MYO15B: variants seen among roughly 807,000 people sequenced by gnomAD.
MYO15B encodes the protein myosin XVB, also known as myosin XVB pseudogene.
A neutral mutation model predicts 119.3 loss-of-function variants in MYO15B; 207 were observed. The ratio of observed to expected loss-of-function variants is 1.73; its 90% CI spans 1.55 to 1.95. The LOEUF is 1.95. Ranked by LOEUF, MYO15B falls within the 30% of genes most tolerant of loss-of-function variation. MYO15B has a pLI of 0.00. For synonymous variants in MYO15B, 966 were observed against 498.9 expected (o/e 1.94, Z -12.48); for missense variants, 2,264 against 1,203.1 (o/e 1.88, Z -13.04).
rs1236209522 is a variant in MYO15B at position 75,589,396 on chromosome 17, GCGGA to G, written c.1342_1345del (p.Asp448LysfsTer49). On this transcript the variant is annotated frameshift_variant, in exon 1 of 64. Coordinates refer to ENST00000645453, the Ensembl canonical transcript of MYO15B. LOFTEE classifies it high-confidence loss of function. This position sits in a 1 kb window ranked among gnomAD's most constrained non-coding sequence, Gnocchi z 4.2. ...GGACGAGGGTCGGGGCCGCGGGAAAGCGGACGAAGGGCGGGGCCACGAGCGAGGG... is the reference window on the plus strand; with the variant it reads ...GGACGAGGGTCGGGGCCGCGGGAAAGCGAAGGGCGGGGCCACGAGCGAGGG... 7.9e-6 allele frequency: 3 copies of G among 381,780 alleles called. No individual in the cohort carries two copies. The highest frequency in any genetic ancestry group is 6.3e-5 in the African/African-American group (3 of 47,812). 23.6% of individuals were successfully genotyped at this position (381,780 alleles called of 1,614,324 possible).
chr17:75,613,850 C>A (rs771827055), intron 29 of MYO15B, 73 bp downstream of exon 29: 161 of 633,700 alleles, frequency 2.5e-4, no homozygotes, highest in Admixed American at 6.6e-4. Flanking sequence ...TTCTCCAAGC[C>A]CAGTCTCAGG....
intron 19 of MYO15B, among the ~76,000 whole-genome samples, chr17:75,604,274 A>C (rs1008768865): frequency 6.6e-6 from 1 of 152,174 alleles, no homozygotes; most frequent in Non-Finnish European, 1.5e-5. Flanking sequence ...CACCCAGCAC[A>C]GACCAGGTCT....
chr17:75,623,497 G>A (rs1297269054), intron 53 of MYO15B, among the ~76,000 whole-genome samples: 2 of 152,206 alleles, frequency 1.3e-5, no homozygotes, highest in Non-Finnish European at 2.9e-5. Flanking sequence ...GGGCGTGGTG[G>A]CACGCGCCTA....
At chr17:75,618,799 T>C (rs1346388114) in intron 43 of MYO15B, among the ~76,000 whole-genome samples, 3 of 152,144 alleles carry the variant, frequency 2.0e-5, no homozygotes, top group East Asian at 3.8e-4. Flanking sequence ...CTCCCAGGAG[T>C]GAGCCTCTGT....
At chr17:75,625,599 G>C (rs114127171) in exon 61 of MYO15B, 1 of 703,094 alleles carries the variant, frequency 1.4e-6, no homozygotes, top group Admixed American at 2.0e-5. Flanking sequence ...AGAACCTGAT[G>C]GGTCAGGAGC....
exon 33 of MYO15B, chr17:75,614,985 A>T (rs1193094974): frequency 3.7e-5 from 26 of 702,876 alleles, no homozygotes; most frequent in Non-Finnish European, 6.2e-5. Context: ...CTGGGCTCTG[A>T]GCAGCCGCAT....
intron 53 of MYO15B, 41 bp downstream of exon 53, chr17:75,622,121 C>T (rs1319912116): frequency 1.0e-5 from 7 of 701,112 alleles, no homozygotes; most frequent in Non-Finnish European, 1.6e-5. Flanking sequence ...TGTGCCTGTC[C>T]TCCTGTCTGG....
At chr17:75,611,805 C>T (rs1442361751) in intron 24 of MYO15B, 81 bp from the exon 25 acceptor site, 2 of 693,718 alleles carry the variant, frequency 2.9e-6, no homozygotes, top group Admixed American at 2.0e-5. Context: ...GCTGATGGCT[C>T]GTGGTGAGGG....
chr17:75,617,330 C>G, intron 41 of MYO15B, 26 bp downstream of exon 41: 1 of 605,430 alleles, frequency 1.7e-6, no homozygotes, highest in Non-Finnish European at 3.0e-6. Context: ...TCTCCTGCGC[C>G]GTGGGCTTCA....
chr17:75,612,017 G>T lies in MYO15B; in HGVS notation c.4635+1G>T. ...CAGCTTCGTCGCCATCGGCTTTCAG[G>T]TGGGCGCCCAGGCCTAAGCTCTTCC... On this transcript the variant is annotated splice_donor_variant, in intron 25 of 63. Transcript: ENST00000645453. LOFTEE classifies it high-confidence loss of function. 1 of 702,968 alleles carries T rather than the reference G, an allele frequency of 1.4e-6. No homozygotes were observed. Among genetic ancestry groups the T allele is most frequent in the South Asian group, 1.5e-5 (1 of 67,592 alleles). 43.5% of individuals were successfully genotyped at this position (702,968 alleles called of 1,614,324 possible).
chr17:75,626,094 T>C (rs2059040196), exon 63 of MYO15B: 1 of 702,998 alleles, frequency 1.4e-6, no homozygotes, highest in Non-Finnish European at 2.6e-6. Flanking sequence ...CCAGAGCCTG[T>C]ACTGCCGCAT....
chr17:75,625,522 CCTA>C lies in MYO15B; in HGVS notation c.8805-4_8805-2del. ...GGCCAAACTGACCCTGGTCACACAT[CCTA>C]GGCAGGACCTGCTAGCTTACGTGCC... is the stretch of plus-strand genomic sequence containing the variant. On this transcript the variant is annotated splice_acceptor_variant and splice_polypyrimidine_tract_variant and intron_variant, in intron 60 of 63. Transcript: ENST00000645453. LOFTEE classifies it high-confidence loss of function. The C allele has an allele frequency of 1.4e-6, 1 of 703,088 alleles. No individual in the cohort carries two copies. The allele number at this position is 703,088 out of a possible 1,614,324, so 43.6% of individuals were successfully genotyped here. A position where few individuals can be genotyped will look rare whatever the true frequency, so the allele number is the denominator to read the frequency against.
At chr17:75,614,306 A>G (rs2058223361) in exon 30 of MYO15B, 2 of 702,764 alleles carry the variant, frequency 2.8e-6, no homozygotes, top group Non-Finnish European at 5.2e-6. Context: ...AGCCAGACTG[A>G]GGACCTGGGG....
exon 42 of MYO15B, chr17:75,617,895 G>A (rs820145): frequency 0.29 from 202,155 of 702,480 alleles, 30,783 homozygotes; most frequent in Middle Eastern, 0.37. Context: ...ACACCGGCAC[G>A]CCCTGGAAGT....
rs1243288467 is a variant in MYO15B at position 75,626,053 on chromosome 17, G to A, written c.9073-35G>A. ...CATCACCCACAATGACCCCTCCCCG[G>A]AGAGGAGACCAGCCCTGCTCTCTGC... On this transcript the variant is annotated intron_variant, in intron 62 of 63. Transcript: ENST00000645453. 2.9e-6 allele frequency: 2 copies of A among 699,430 alleles called. 1 individual carries two copies. The highest frequency in any genetic ancestry group is 3.0e-5 in the South Asian group (2 of 67,476). The allele number at this position is 699,430 out of a possible 1,614,324, so 43.3% of individuals were successfully genotyped here.
chr17:75,611,468 CAAAAA>C (rs11410750), intron 23 of MYO15B, 128 bp from the exon 24 acceptor site: 499 of 470,314 alleles, frequency 1.1e-3, no homozygotes, highest in Middle Eastern at 3.2e-3. Context: ...GACCCTGCCT[CAAAAA>C]AAAAAAAAAA....
chr17:75,591,407 C>A, intron 4 of MYO15B, 161 bp downstream of exon 4: 2 of 619,310 alleles, frequency 3.2e-6, no homozygotes, highest in South Asian at 1.9e-5. Context: ...ATCACATGAG[C>A]CCCTGGAATG....
Position 75,602,958 on chromosome 17 carries a change from C to T in MYO15B, c.3845+13C>T, listed in dbSNP as rs1457895778. ...CCCGGCTGGGCAGGTAAGAACAGCG[C>T]CCGCCACACCAGACCCCAGGGAGTT... On this transcript the variant is annotated intron_variant, in intron 17 of 63. Coordinates refer to ENST00000645453, the Ensembl canonical transcript of MYO15B. 1.4e-6 allele frequency: 1 copy of T among 695,618 alleles called. No individual in the cohort carries two copies. The highest frequency in any genetic ancestry group is 2.6e-6 in the Non-Finnish European group (1 of 380,936). The allele number at this position is 695,618 out of a possible 1,614,324, so 43.1% of individuals were successfully genotyped here. A position where few individuals can be genotyped will look rare whatever the true frequency, so the allele number is the denominator to read the frequency against.
At chr17:75,591,438 C>T (rs55903825) in intron 4 of MYO15B, 163 bp from the exon 5 acceptor site, 130,666 of 614,676 alleles carry the variant, frequency 0.21, 15,190 homozygotes, top group Non-Finnish European at 0.25. Context: ...GGGACTTTTT[C>T]TTTTCTGTCG....
Sources: gnomAD v4.1 joint callset for allele counts (sites outside exome capture counted in the v4.1 genomes callset) on GRCh38, gnomAD v4.1.1 for gene constraint, Gnocchi (gnomAD v3.1) non-coding constraint, MANE v1.5 for transcripts, NCBI Gene and HGNC (gene_info 2026-07-23, HGNC 2026-07-21) for gene names.